Variants in PTPRR observed in about 807,000 individuals in gnomAD.
PTPRR encodes the protein receptor-type tyrosine-protein phosphatase R.
A neutral mutation model predicts 77.2 loss-of-function variants in PTPRR; 38 were observed. The observed-to-expected ratio is 0.49, with a 90% CI of 0.38 to 0.65. The LOEUF is 0.65. Among genes scored for constraint, PTPRR ranks in the 30% least tolerant of loss-of-function variants. The probability of loss-of-function intolerance (pLI) is 0.00; values close to 1 mark genes in which losing one functional copy is unlikely to be tolerated. For missense variants in PTPRR, 744 were observed against 799.2 expected (o/e 0.93, Z 0.83); for synonymous variants, 299 against 283.1 (o/e 1.06, Z -0.57).
chr12:70,863,676 T>TCTTGCTTCATTCTATTGCTTCACC (rs565791469), intron 2 of PTPRR, among the ~76,000 whole-genome samples: 1,583 of 152,034 alleles, frequency 0.01, 15 homozygotes, highest in Non-Finnish European at 0.018. Flanking sequence ...GAACCAATTA[T>TCTTGCTTCATTCTATTGCTTCACC]CTATTGTTTC....
At chr12:70,684,052 C>T (rs1484778853) in intron 10 of PTPRR, 75 bp downstream of exon 10, 9 of 1,490,698 alleles carry the variant, frequency 6.0e-6, no homozygotes, top group Admixed American at 2.0e-5. Flanking sequence ...AAGTCCATGG[C>T]AATTTTACTA....
chr12:70,730,084 A>G (rs1426698480), intron 6 of PTPRR, among the ~76,000 whole-genome samples: 2 of 152,202 alleles, frequency 1.3e-5, no homozygotes, highest in Non-Finnish European at 2.9e-5. Context: ...TGCCCACACT[A>G]GATTTCACTA....
At chr12:70,881,059 A>T (rs754310066) in intron 2 of PTPRR, among the ~76,000 whole-genome samples, 77 of 152,306 alleles carry the variant, frequency 5.1e-4, no homozygotes, top group Admixed American at 2.6e-3. Context: ...TTAGCAGCCC[A>T]TTCAAGTAGA....
chr12:70,767,884 G>T (rs1890867705), intron 2 of PTPRR, among the ~76,000 whole-genome samples: 1 of 152,124 alleles, frequency 6.6e-6, no homozygotes, highest in African/African-American at 2.4e-5. Context: ...TCAACTACAT[G>T]GAAAATGAAC....
At chr12:70,798,336 T>G (rs1237974048) in intron 2 of PTPRR, among the ~76,000 whole-genome samples, 1 of 152,228 alleles carries the variant, frequency 6.6e-6, no homozygotes, top group African/African-American at 2.4e-5. Flanking sequence ...GGGATACTAT[T>G]ATAGCATCCC....
chr12:70,913,513 G>T (rs1341833053), intron 1 of PTPRR, among the ~76,000 whole-genome samples: 1 of 151,904 alleles, frequency 6.6e-6, no homozygotes. Context: ...ATGCTATGTT[G>T]TTTATCTAAC....
chr12:70,897,796 A>C (rs1893457576), intron 1 of PTPRR, among the ~76,000 whole-genome samples: 1 of 152,052 alleles, frequency 6.6e-6, no homozygotes, highest in Non-Finnish European at 1.5e-5. Flanking sequence ...AAAATGTGGC[A>C]CATGTACACC....
At chr12:70,702,828 TTTTAATGGTTGAAACTACTTG>T (rs1359148060) in intron 6 of PTPRR, among the ~76,000 whole-genome samples, 1 of 152,184 alleles carries the variant, frequency 6.6e-6, no homozygotes, top group Non-Finnish European at 1.5e-5. Context: ...ATGGCTGGCC[TTTTAATGGTTGAAACTACTTG>T]ATTTTTTTTC....
intron 2 of PTPRR, among the ~76,000 whole-genome samples, chr12:70,782,402 T>A (rs893589583): frequency 6.6e-6 from 1 of 152,148 alleles, no homozygotes; most frequent in Non-Finnish European, 1.5e-5. Context: ...ATGTTTATTG[T>A]GGCACTATTC....
At chr12:70,652,283 C>G (rs1182467188) in intron 13 of PTPRR, among the ~76,000 whole-genome samples, 2 of 151,974 alleles carry the variant, frequency 1.3e-5, no homozygotes, top group African/African-American at 4.8e-5. Flanking sequence ...AGCTGAAGGA[C>G]TGGAACAAGA....
chr12:70,836,364 C>A (rs1220903456), intron 2 of PTPRR, among the ~76,000 whole-genome samples: 1 of 151,172 alleles, frequency 6.6e-6, no homozygotes, highest in Non-Finnish European at 1.5e-5. Flanking sequence ...CCTGGAAACG[C>A]CCTATTTTTC....
intron 7 of PTPRR, among the ~76,000 whole-genome samples, chr12:70,699,377 A>T (rs1041300400): frequency 3.9e-5 from 6 of 152,208 alleles, no homozygotes. Flanking sequence ...TCATTCTGAA[A>T]ATTTGAGAAA....
chr12:70,697,230 AT>A (rs1888260840), intron 8 of PTPRR, among the ~76,000 whole-genome samples: 1 of 152,256 alleles, frequency 6.6e-6, no homozygotes, highest in East Asian at 1.9e-4. Context: ...CCTTGCCAGC[AT>A]TTTTTATTGT....
chr12:70,903,304 T>C (rs1893570515), intron 1 of PTPRR, among the ~76,000 whole-genome samples: 1 of 151,884 alleles, frequency 6.6e-6, no homozygotes, highest in African/African-American at 2.4e-5. Context: ...ATGTTAATTG[T>C]CTTAATTTAA....
At chr12:70,660,702 G>A (rs866798647) in intron 12 of PTPRR, among the ~76,000 whole-genome samples, 17 of 152,268 alleles carry the variant, frequency 1.1e-4, no homozygotes, top group Middle Eastern at 3.4e-3. Context: ...CATTTATTAC[G>A]AACTTGTATT....
chr12:70,859,020 C>T (rs1190477852), intron 2 of PTPRR, among the ~76,000 whole-genome samples: 1 of 151,616 alleles, frequency 6.6e-6, no homozygotes, highest in Non-Finnish European at 1.5e-5. Context: ...ATAAATGGCA[C>T]CAAAGGCTTG....
At chr12:70,892,128 G>T (rs1009728307) in intron 2 of PTPRR, among the ~76,000 whole-genome samples, 1 of 151,976 alleles carries the variant, frequency 6.6e-6, no homozygotes, top group Non-Finnish European at 1.5e-5. Flanking sequence ...TATTAATAAA[G>T]AATGGTTATT....
At chr12:70,893,404 G>A (rs1893372422) in intron 1 of PTPRR, among the ~76,000 whole-genome samples, 1 of 151,520 alleles carries the variant, frequency 6.6e-6, no homozygotes, top group African/African-American at 2.4e-5. Context: ...CATACTTATT[G>A]CTTGTATTAC....
chr12:70,905,668 A>G (rs1357275593), intron 1 of PTPRR, among the ~76,000 whole-genome samples: 1 of 151,962 alleles, frequency 6.6e-6, no homozygotes, highest in African/African-American at 2.4e-5. Flanking sequence ...AGAGTACATT[A>G]TGATTCATTA....
Sources: gnomAD v4.1 joint callset for allele counts (sites outside exome capture counted in the v4.1 genomes callset) on GRCh38, gnomAD v4.1.1 for gene constraint, MANE v1.5 for transcripts, NCBI Gene and HGNC (gene_info 2026-07-23, HGNC 2026-07-21) for gene names.